PCDHAC1: variants seen among roughly 807,000 people sequenced by gnomAD.
PCDHAC1 encodes the protein protocadherin alpha-C1.
In PCDHAC1, 42 loss-of-function variants were observed where a neutral mutation model predicts 60.0. The ratio of observed to expected loss-of-function variants is 0.70; its 90% CI spans 0.55 to 0.90. The LOEUF is 0.90. Among genes scored for constraint, PCDHAC1 ranks in the 40% least tolerant of loss-of-function variants. PCDHAC1 has a pLI of 0.00. For synonymous variants in PCDHAC1, 468 were observed against 499.3 expected, an observed-to-expected ratio of 0.94 and a Z score of 0.84; for missense variants, 1,160 against 1,222.3, an observed-to-expected ratio of 0.95 and a Z score of 0.76.
At chr5:141,006,105 G>GT (rs79904017) in intron 3 of PCDHAC1, among the ~76,000 whole-genome samples, 4,283 of 143,138 alleles carry the variant, frequency 0.03, 125 homozygotes, top group African/African-American at 0.081. Flanking sequence ...ATGGTAAGGA[G>GT]TTTTTTTTTT....
At chr5:140,945,790 T>C (rs1340396620) in intron 1 of PCDHAC1, among the ~76,000 whole-genome samples, 2 of 152,010 alleles carry the variant, frequency 1.3e-5, no homozygotes, top group South Asian at 2.1e-4. Context: ...TGCAGAAAAA[T>C]GAAACTAGAC....
chr5:140,959,642 A>G (rs1352450996), intron 1 of PCDHAC1, among the ~76,000 whole-genome samples: 7 of 152,230 alleles, frequency 4.6e-5, no homozygotes, highest in African/African-American at 1.7e-4. Flanking sequence ...GAAAAAACAC[A>G]GAAGCAAAAT....
intron 3 of PCDHAC1, among the ~76,000 whole-genome samples, chr5:140,996,316 A>C (rs2153939037): frequency 6.6e-6 from 1 of 152,250 alleles, no homozygotes; most frequent in African/African-American, 2.4e-5. Context: ...GTAAGGGGGG[A>C]GGGTAGAGAA....
intron 3 of PCDHAC1, among the ~76,000 whole-genome samples, chr5:141,008,842 T>C (rs1554261951): frequency 6.6e-6 from 1 of 152,214 alleles, no homozygotes; most frequent in East Asian, 1.9e-4. Context: ...TCTTACGCTG[T>C]GTATTCCCAT....
Position 140,927,672 on chromosome 5 carries a change from A to G in PCDHAC1, c.780A>G (p.Pro260=). Reference sequence around the variant, plus strand: ...TATTCCGAGTTCAAGCCTTGGATCCAGATGAAGGGTCCAATGGGGAAGTCC... The same window carrying G: ...TATTCCGAGTTCAAGCCTTGGATCCGGATGAAGGGTCCAATGGGGAAGTCC... The part of the protein sequence containing the change: ...TVLFRVQALD[P]DEGSNGEVQY... Residue 260 remains proline (P), a synonymous_variant, in exon 1 of 4, where the codon CCA becomes CCG. Transcript: ENST00000253807. 1 of 1,614,202 alleles carries G rather than the reference A, an allele frequency of 6.2e-7. No individual in the cohort carries two copies. Among genetic ancestry groups the G allele is most frequent in the Non-Finnish European group, 8.5e-7 (1 of 1,180,016 alleles).
intron 3 of PCDHAC1, among the ~76,000 whole-genome samples, chr5:140,996,427 G>A (rs1479947811): frequency 6.6e-6 from 1 of 152,176 alleles, no homozygotes; most frequent in Non-Finnish European, 1.5e-5. Context: ...GAAAACTTTG[G>A]GAATAGTCAG....
chr5:140,982,797 G>A (rs2097006142), intron 3 of PCDHAC1, among the ~76,000 whole-genome samples: 1 of 151,640 alleles, frequency 6.6e-6, no homozygotes, highest in Admixed American at 6.6e-5. Context: ...ATGTGTGCAT[G>A]TGTGTGTGTG....
intron 1 of PCDHAC1, among the ~76,000 whole-genome samples, chr5:140,976,680 C>T (rs2096726528): frequency 6.6e-6 from 1 of 152,146 alleles, no homozygotes; most frequent in African/African-American, 2.4e-5. Context: ...CTCATTTTTG[C>T]AATTTAAGTA....
intron 3 of PCDHAC1, among the ~76,000 whole-genome samples, chr5:141,003,397 C>T (rs370088269): frequency 2.0e-5 from 3 of 152,086 alleles, no homozygotes; most frequent in African/African-American, 4.8e-5. Flanking sequence ...CTGAAACCTC[C>T]GCCTCCCGGG....
intron 1 of PCDHAC1, among the ~76,000 whole-genome samples, chr5:140,960,717 T>G (rs367185): frequency 9.9e-5 from 3 of 30,264 alleles, no homozygotes; most frequent in African/African-American, 2.5e-4. Flanking sequence ...ATACTCATCT[T>G]ATTTTAGTCC....
intron 3 of PCDHAC1, among the ~76,000 whole-genome samples, chr5:141,007,284 C>T (rs2098312696): frequency 6.6e-6 from 1 of 151,430 alleles, no homozygotes; most frequent in Admixed American, 6.6e-5. Context: ...GTGCAGTGGG[C>T]TCATGCCTGT....
intron 1 of PCDHAC1, among the ~76,000 whole-genome samples, chr5:140,940,102 T>C (rs1372400488): frequency 2.0e-5 from 3 of 152,228 alleles, no homozygotes; most frequent in African/African-American, 7.2e-5. Context: ...ACTTTTAGCG[T>C]TATGTATTAT....
intron 1 of PCDHAC1, among the ~76,000 whole-genome samples, chr5:140,948,964 T>C (rs2094329348): frequency 6.6e-6 from 1 of 151,790 alleles, no homozygotes; most frequent in Non-Finnish European, 1.5e-5. Context: ...AGCCACGAAT[T>C]TATTAGTATG....
intron 1 of PCDHAC1, among the ~76,000 whole-genome samples, chr5:140,936,049 C>A (rs1185871662): frequency 1.3e-5 from 2 of 151,974 alleles, no homozygotes; most frequent in African/African-American, 2.4e-5. Context: ...CCCACCACCA[C>A]ACCCGGCTAA....
chr5:140,934,236 T>C (rs532427064), intron 1 of PCDHAC1, among the ~76,000 whole-genome samples: 1 of 152,290 alleles, frequency 6.6e-6, no homozygotes, highest in South Asian at 2.1e-4. Context: ...TTGTACTTAA[T>C]TGTGGAGATT....
intron 1 of PCDHAC1, chr5:140,966,973 G>C (rs782189736): frequency 6.2e-7 from 1 of 1,602,934 alleles, no homozygotes; most frequent in Non-Finnish European, 8.5e-7. Context: ...GGCTTGAGCT[G>C]CGGCGCTTGG....
intron 1 of PCDHAC1, among the ~76,000 whole-genome samples, chr5:140,945,974 A>C (rs887994156): frequency 6.6e-5 from 10 of 152,146 alleles, no homozygotes; most frequent in African/African-American, 2.2e-4. Flanking sequence ...AATAAAAGCA[A>C]AAATAGACTA....
chr5:140,996,135 C>T (rs2097713564), intron 3 of PCDHAC1, among the ~76,000 whole-genome samples: 1 of 152,140 alleles, frequency 6.6e-6, no homozygotes, highest in Non-Finnish European at 1.5e-5. Flanking sequence ...AGAGGGTTCT[C>T]CCATTATCTT....
At chr5:140,964,378 T>A (rs182628269) in intron 1 of PCDHAC1, among the ~76,000 whole-genome samples, 1 of 151,270 alleles carries the variant, frequency 6.6e-6, no homozygotes, top group Non-Finnish European at 1.5e-5. Context: ...GAAAGGAGAG[T>A]CCTGGTTTTT....
Sources: gnomAD v4.1 joint callset for allele counts (sites outside exome capture counted in the v4.1 genomes callset) on GRCh38, gnomAD v4.1.1 for gene constraint, MANE v1.5 for transcripts, NCBI Gene and HGNC (gene_info 2026-07-23, HGNC 2026-07-21) for gene names.